FAM89A: variants seen among roughly 807,000 people sequenced by gnomAD.
FAM89A encodes family with sequence similarity 89 member A.
In FAM89A, 10 loss-of-function variants were observed where a neutral mutation model predicts 7.1. The observed-to-expected ratio is 1.40, with a 90% CI of 0.86 to 2.38. The LOEUF is 2.38. Among genes scored for constraint, FAM89A ranks in the 30% most tolerant of loss-of-function variants. The pLI is 0.00. For synonymous variants in FAM89A, 157 were observed against 129.3 expected (o/e 1.21, Z -1.45); for missense variants, 276 against 262.8 (o/e 1.05, Z -0.35).
chr1:231,026,060 T>C (rs2103072261), intron 1 of FAM89A: 1 of 144,234 alleles, frequency 6.9e-6, no homozygotes, highest in African/African-American at 2.5e-5. Flanking sequence ...GTGGATAAAT[T>C]GCTCAGCTCC....
intron 1 of FAM89A, among the ~76,000 whole-genome samples, chr1:231,031,683 C>T (rs764729436): frequency 6.6e-6 from 1 of 152,156 alleles, no homozygotes; most frequent in Non-Finnish European, 1.5e-5. Flanking sequence ...GCATATATTC[C>T]TCAAAGCACT....
chr1:231,035,227 G>A (rs973067927), intron 1 of FAM89A, among the ~76,000 whole-genome samples: 1 of 152,194 alleles, frequency 6.6e-6, no homozygotes, highest in Non-Finnish European at 1.5e-5. Context: ...TAAAATGTAG[G>A]AAGGCTAATT....
chr1:231,035,785 ACG>A (rs1446445139), intron 1 of FAM89A, among the ~76,000 whole-genome samples: 1 of 152,240 alleles, frequency 6.6e-6, no homozygotes, highest in Non-Finnish European at 1.5e-5. Context: ...TTTATATAGA[ACG>A]GGGTCTGCAG....
intron 1 of FAM89A, among the ~76,000 whole-genome samples, chr1:231,022,601 C>T (rs1679900691): frequency 6.6e-6 from 1 of 152,150 alleles, no homozygotes; most frequent in Non-Finnish European, 1.5e-5. Flanking sequence ...CCCGGTTCAC[C>T]CAGCTCGAGG....
At chr1:231,032,905 A>C (rs1410112323) in intron 1 of FAM89A, among the ~76,000 whole-genome samples, 1 of 152,148 alleles carries the variant, frequency 6.6e-6, no homozygotes, top group Admixed American at 6.5e-5. Context: ...CTCCCTCCCG[A>C]ATCCTTGAGA....
At chr1:231,032,784 G>T (rs990212072) in intron 1 of FAM89A, among the ~76,000 whole-genome samples, 2 of 152,144 alleles carry the variant, frequency 1.3e-5, no homozygotes, top group Admixed American at 1.3e-4. Context: ...GGCTCTCCTG[G>T]CTGGGACAGG....
chr1:231,030,306 C>T (rs1680046919), intron 1 of FAM89A, among the ~76,000 whole-genome samples: 2 of 152,194 alleles, frequency 1.3e-5, no homozygotes, highest in South Asian at 4.1e-4. Flanking sequence ...CCAGATTAAC[C>T]CCCATTAAAC....
intron 1 of FAM89A, among the ~76,000 whole-genome samples, chr1:231,027,673 G>A (rs775875929): frequency 6.6e-6 from 1 of 152,182 alleles, no homozygotes; most frequent in African/African-American, 2.4e-5. Flanking sequence ...CTAGAGGGAG[G>A]TGGAAGATCC....
At chr1:231,033,828 G>A (rs981596732) in intron 1 of FAM89A, among the ~76,000 whole-genome samples, 7 of 152,016 alleles carry the variant, frequency 4.6e-5, no homozygotes, top group African/African-American at 1.2e-4. Flanking sequence ...TTCAAATCTC[G>A]GGAGAAGAAC....
chr1:231,039,453 G>C (rs569490388), intron 1 of FAM89A, among the ~76,000 whole-genome samples: 12 of 152,346 alleles, frequency 7.9e-5, no homozygotes, highest in African/African-American at 2.6e-4. Context: ...GGGCCGGGCT[G>C]TTCCAATCTG....
intron 1 of FAM89A, among the ~76,000 whole-genome samples, chr1:231,037,818 T>C (rs1380160834): frequency 1.3e-5 from 2 of 152,062 alleles, no homozygotes; most frequent in African/African-American, 4.8e-5. Context: ...ACCACCCTGC[T>C]CCCTGTCCCT....
chr1:231,019,922 CCCGAGGAGGG>C lies in FAM89A; in HGVS notation c.486_495del (p.Pro163ThrfsTer60). ...AGGGAGGAGACAGGCAGTGACAAGT[CCCGAGGAGGG>C]CCTCGGTCCCTCCTGTCGTGCAGGG... On this transcript the variant is annotated frameshift_variant, in exon 2 of 2. Coordinates refer to ENST00000366654, the MANE Select transcript of FAM89A (RefSeq NM_198552.3). LOFTEE classifies it high-confidence loss of function. 1 of 1,614,180 alleles carries C rather than the reference CCCGAGGAGGG, an allele frequency of 6.2e-7. No homozygotes were observed. Among genetic ancestry groups the C allele is most frequent in the Non-Finnish European group, 8.5e-7 (1 of 1,180,038 alleles).
intron 1 of FAM89A, among the ~76,000 whole-genome samples, chr1:231,032,888 A>T (rs1046185464): frequency 2.0e-5 from 3 of 152,168 alleles, no homozygotes; most frequent in African/African-American, 7.2e-5. Context: ...CTGGTCAAAG[A>T]TGGTGCCTCC....
At chr1:231,020,197 G>T in intron 1 of FAM89A, 71 bp from the exon 2 acceptor site, 1 of 1,457,832 alleles carries the variant, frequency 6.9e-7, no homozygotes. Context: ...GGAACACTCA[G>T]CCGGCGATCT....
chr1:231,029,256 G>A (rs1341733043), intron 1 of FAM89A, among the ~76,000 whole-genome samples: 1 of 152,232 alleles, frequency 6.6e-6, no homozygotes, highest in Non-Finnish European at 1.5e-5. Context: ...GGGAGGCTGA[G>A]GCAGGAGGAT....
In FAM89A at chr1:231,039,906, C is replaced by A; in HGVS notation, c.291+15G>T. ...CCCGGCCGGGAAGAGCCCCAGCTCG[C>A]GGAGCCCCACTCACCATCTCTTTGC... On this transcript the variant is annotated intron_variant, in intron 1 of 1. Coordinates refer to ENST00000366654, the MANE Select transcript of FAM89A (RefSeq NM_198552.3). 1 of 1,294,492 alleles carries A rather than the reference C, an allele frequency of 7.7e-7. No homozygotes were observed. Among genetic ancestry groups the A allele is most frequent in the Non-Finnish European group, 9.8e-7 (1 of 1,023,008 alleles). The allele number at this position is 1,294,492 out of a possible 1,614,324, so 80.2% of individuals were successfully genotyped here. A position where few individuals can be genotyped will look rare whatever the true frequency, so the allele number is the denominator to read the frequency against.
chr1:231,023,350 G>C (rs1374203624), intron 1 of FAM89A, among the ~76,000 whole-genome samples: 1 of 152,202 alleles, frequency 6.6e-6, no homozygotes, highest in African/African-American at 2.4e-5. Context: ...GGGAGCCTCA[G>C]GTTCGCTCAG....
intron 1 of FAM89A, among the ~76,000 whole-genome samples, chr1:231,030,246 G>A (rs910355385): frequency 1.3e-5 from 2 of 152,144 alleles, no homozygotes; most frequent in South Asian, 2.1e-4. Context: ...ACTCTAAAGC[G>A]CCATCAGGAT....
At chr1:231,036,025 G>T (rs1662185723) in intron 1 of FAM89A, among the ~76,000 whole-genome samples, 1 of 152,184 alleles carries the variant, frequency 6.6e-6, no homozygotes, top group African/African-American at 2.4e-5. Flanking sequence ...AAAATTGAGG[G>T]TGGCCACTGT....
Sources: gnomAD v4.1 joint callset for allele counts (sites outside exome capture counted in the v4.1 genomes callset) on GRCh38, gnomAD v4.1.1 for gene constraint, MANE v1.5 for transcripts, NCBI Gene and HGNC (gene_info 2026-07-23, HGNC 2026-07-21) for gene names.